The following FSIP2 variants were observed in gnomAD, a reference collection of about 807,000 sequenced individuals.
The protein encoded by FSIP2 is fibrous sheath interacting protein 2, also known as fibrous sheath-interacting protein 2.
Under a neutral mutation model 510.5 loss-of-function variants are expected in FSIP2, and 367 were observed. The ratio of observed to expected loss-of-function variants is 0.72; its 90% CI spans 0.66 to 0.78. The LOEUF is 0.78. Ranked by LOEUF, FSIP2 falls within the 30% of genes least tolerant of loss-of-function variation. The pLI, the probability that FSIP2 is intolerant of heterozygous loss-of-function variation, is 0.00. For synonymous variants in FSIP2, 2,601 were observed against 2,732.2 expected (o/e 0.95, Z 1.50); for missense variants, 7,594 against 7,901.7 (o/e 0.96, Z 1.48).
At chr2:185,776,245 A>G (rs971537394) in intron 13 of FSIP2, among the ~76,000 whole-genome samples, 2 of 152,112 alleles carry the variant, frequency 1.3e-5, no homozygotes, top group African/African-American at 4.8e-5. Context: ...ACTCCAGCCC[A>G]GGTGACAAAG....
At position 185,809,141 on chromosome 2, in the gene FSIP2, CA is replaced by C; in HGVS notation, c.19827+12del. 6.5e-7 allele frequency: 1 copy of C among 1,532,652 alleles called. No individual in the cohort carries two copies. The highest frequency in any genetic ancestry group is 2.3e-5 in the East Asian group (1 of 43,862). The allele number at this position is 1,532,652 out of a possible 1,614,324, so 94.9% of individuals were successfully genotyped here. On this transcript the variant is annotated intron_variant, in intron 17 of 22. Coordinates refer to ENST00000424728, the MANE Select transcript of FSIP2 (RefSeq NM_173651.4). Reference sequence around the variant, plus strand: ...GATGTAAAACCCCTAGAGGTAAGTGCAAAAGCAATGGCATGAAAATGAGTGA... The same window carrying C: ...GATGTAAAACCCCTAGAGGTAAGTGCAAAGCAATGGCATGAAAATGAGTGA...
At position 185,790,466 on chromosome 2, in the gene FSIP2, C is replaced by G; in HGVS notation, c.3330C>G (p.Val1110=). 6.5e-7 allele frequency: 1 copy of G among 1,533,966 alleles called. No homozygotes were observed. ...TAGAAAAGGCTTCAGAAAACATAGT[C>G]ACAAGTATTTTAAAGGAAATGCTCA... The part of the protein sequence containing the change: ...HQIEKASENI[V]TSILKEMLKD... Residue 1110 remains valine (V), a synonymous_variant, in exon 16 of 23, where the codon GTC becomes GTG. Transcript: ENST00000424728.
intron 19 of FSIP2, among the ~76,000 whole-genome samples, chr2:185,819,951 CA>C (rs1438915003): frequency 6.6e-6 from 1 of 151,858 alleles, no homozygotes; most frequent in African/African-American, 2.4e-5. Flanking sequence ...TAAATACTAA[CA>C]GATTGAAGAG....
intron 13 of FSIP2, among the ~76,000 whole-genome samples, chr2:185,775,516 C>A (rs913516320): frequency 1.3e-5 from 2 of 151,836 alleles, no homozygotes; most frequent in South Asian, 4.2e-4. Context: ...AATTTTCTCC[C>A]ATTTTGTAGG....
Position 185,804,386 on chromosome 2 carries a change from C to T in FSIP2, c.15080C>T (p.Ser5027Leu), listed in dbSNP as rs1296782078. The T allele has an allele frequency of 6.6e-7, 1 of 1,504,012 alleles. No individual in the cohort carries two copies. Among genetic ancestry groups the T allele is most frequent in the Non-Finnish European group, 8.8e-7 (1 of 1,131,550 alleles). The allele number at this position is 1,504,012 out of a possible 1,614,324, so 93.2% of individuals were successfully genotyped here. Reference sequence around the variant, plus strand: ...GAAATGGTTCAAAAAATAGTCAACTCAGTATATGGAAAAGTATTAGATCAA... The same window carrying T: ...GAAATGGTTCAAAAAATAGTCAACTTAGTATATGGAAAAGTATTAGATCAA... ...YKEMVQKIVN[S>L]VYGKVLDQYK... The change falls in exon 17 of 23, where the codon TCA becomes TTA. Residue 5027 changes from serine to leucine, a missense_variant. Transcript: ENST00000424728.
rs1368084388 is a variant in FSIP2 at position 185,790,803 on chromosome 2, T to C, written c.3667T>C (p.Trp1223Arg). The C allele has an allele frequency of 6.5e-7, 1 of 1,532,786 alleles. No homozygotes were observed. The highest frequency in any genetic ancestry group is 2.4e-5 in the East Asian group (1 of 40,822). 94.9% of individuals were successfully genotyped at this position (1,532,786 alleles called of 1,614,324 possible). A position where few individuals can be genotyped will look rare whatever the true frequency, so the allele number is the denominator to read the frequency against. Residue 1223 changes from tryptophan to arginine, a missense_variant, in exon 16 of 23, where the codon TGG becomes CGG. Physicochemically the swap from Trp to Arg is moderately radical, Grantham distance 101 (BLOSUM62 -3). Coordinates refer to ENST00000424728, the MANE Select transcript of FSIP2 (RefSeq NM_173651.4). ...ACCAAATAAATACCCATTAAAAACA[T>C]GGTTTGACAGTGAAAAGAAAATGAA... The part of the protein sequence containing the change: ...EAPNKYPLKT[W>R]FDSEKKMKYL...
In FSIP2 at chr2:185,794,868, C is replaced by T. The variant is rs1320284100; in HGVS notation, c.7732C>T (p.Leu2578=). 4.6e-6 allele frequency: 7 copies of T among 1,532,568 alleles called. No homozygotes were observed. The African/African-American group carries it at 6.9e-5, about 15-fold the overall frequency. 94.9% of individuals were successfully genotyped at this position (1,532,568 alleles called of 1,614,324 possible). A position where few individuals can be genotyped will look rare whatever the true frequency, so the allele number is the denominator to read the frequency against. The change falls in exon 16 of 23, where the codon CTA becomes TTA. Residue 2578 remains leucine, a synonymous_variant. Transcript: ENST00000424728. ...VEISDHNDSL[L]MKPLRFRETK... is the part of the protein sequence containing the mutation. Reference sequence around the variant, plus strand: ...AATATCTGACCACAATGATTCCTTACTAATGAAACCATTAAGGTTTAGAGA... The same window carrying T: ...AATATCTGACCACAATGATTCCTTATTAATGAAACCATTAAGGTTTAGAGA...
Position 185,802,466 on chromosome 2 carries a change from T to A in FSIP2, c.13160T>A (p.Leu4387Gln). The A allele has an allele frequency of 6.5e-7, 1 of 1,533,940 alleles. No homozygotes were observed. Among genetic ancestry groups the A allele is most frequent in the Non-Finnish European group, 8.7e-7 (1 of 1,145,458 alleles). Residue 4387 changes from leucine (L) to glutamine (Q), a missense_variant, in exon 17 of 23, where the codon CTA becomes CAA. By Grantham distance (113) the Leu-to-Gln change is moderately radical. Transcript: ENST00000424728. ...AGAAATGCTTTAAAGCAGCATGGGC[T>A]AGACCTTGCTGTTGATAAAGAGTCT... Reference protein sequence around the residue: ...VYRNALKQHGLDLAVDKESED... With the variant: ...VYRNALKQHGQDLAVDKESED...
Position 185,794,490 on chromosome 2 carries a change from A to C in FSIP2, c.7354A>C (p.Asn2452His). ...ATTTACAAAGTATCCATTAGAGCAAAACCAAATGATATTGGAAAACAAAAG... is the reference window on the plus strand; with the variant it reads ...ATTTACAAAGTATCCATTAGAGCAACACCAAATGATATTGGAAAACAAAAG... ...SLFTKYPLEQ[N>H]QMILENKRQI... Residue 2452 changes from asparagine (N) to histidine (H), a missense_variant, in exon 16 of 23, where the codon AAC (asparagine) becomes CAC (histidine). Asn to His is a moderately conservative substitution (Grantham distance 68). Transcript: ENST00000424728. The C allele has an allele frequency of 6.6e-7, 1 of 1,522,198 alleles. No homozygotes were observed. The highest frequency in any genetic ancestry group is 1.2e-5 in the South Asian group (1 of 80,924). 94.3% of individuals were successfully genotyped at this position (1,522,198 alleles called of 1,614,324 possible).
chr2:185,825,197 A>G (rs1346050760), intron 20 of FSIP2, among the ~76,000 whole-genome samples: 1 of 151,878 alleles, frequency 6.6e-6, no homozygotes, highest in Admixed American at 6.6e-5. Context: ...ATAAAATAGC[A>G]TTAAGTATGC....
intron 13 of FSIP2, among the ~76,000 whole-genome samples, chr2:185,770,883 A>G (rs1027123354): frequency 6.6e-6 from 1 of 152,210 alleles, no homozygotes; most frequent in African/African-American, 2.4e-5. Flanking sequence ...CCAAGATACT[A>G]TGGTGGTACA....
In FSIP2 at chr2:185,807,114, G is replaced by A. The variant is rs747423000; in HGVS notation, c.17808G>A (p.Lys5936=). Residue 5936 remains lysine (K), a synonymous_variant, in exon 17 of 23, where the codon AAG becomes AAA. Transcript: ENST00000424728. ...NDYGSQDSIW[K]NINSNGENLA... ...ATGGATCTCAAGACTCTATTTGGAA[G>A]AATATAAACAGTAATGGAGAAAATT... 77 of 1,598,908 alleles carry A rather than the reference G, an allele frequency of 4.8e-5. No homozygotes were observed. The highest frequency in any genetic ancestry group is 1.8e-4 in the Admixed American group (10 of 56,788).
chr2:185,771,378 A>T (rs931245347), intron 13 of FSIP2, among the ~76,000 whole-genome samples: 3 of 152,038 alleles, frequency 2.0e-5, no homozygotes, highest in Non-Finnish European at 4.4e-5. Context: ...TCTCATACAT[A>T]CTCTGAAATC....
Position 185,805,831 on chromosome 2 carries a change from G to C in FSIP2, c.16525G>C (p.Gly5509Arg), listed in dbSNP as rs781094454. The C allele has an allele frequency of 6.2e-7, 1 of 1,607,644 alleles. No individual in the cohort carries two copies. The highest frequency in any genetic ancestry group is 8.5e-7 in the Non-Finnish European group (1 of 1,177,578). The change falls in exon 17 of 23, where the codon GGG becomes CGG. Residue 5509 changes from glycine to arginine, a missense_variant. Physicochemically the swap from Gly to Arg is moderately radical, Grantham distance 125 (BLOSUM62 -2). Coordinates refer to ENST00000424728, the MANE Select transcript of FSIP2 (RefSeq NM_173651.4). ...AAGCGGCATGATTAACCTAACATCA[G>C]GGTTGGCTACAGGTGTGACAAATAA... The part of the protein sequence containing the change: ...MKSGMINLTS[G>R]LATGVTNKKE...
Position 185,796,764 on chromosome 2 carries a change from G to A in FSIP2, c.9628G>A (p.Val3210Ile), listed in dbSNP as rs993398265. 2.0e-6 allele frequency: 3 copies of A among 1,534,944 alleles called. No homozygotes were observed. In the African/African-American group the frequency reaches 4.1e-5, roughly 21 times the overall value. ...YRVSSDLPTS[V>I]RSSVEDTVKN... ...GGTTTCATCAGATTTACCCACCTCT[G>A]TCAGATCCTCTGTAGAAGACACAGT... Residue 3210 changes from valine to isoleucine, a missense_variant, in exon 16 of 23, where the codon GTC (valine) becomes ATC (isoleucine). Transcript: ENST00000424728.
At chr2:185,799,122 T>G (rs1324884567) in intron 16 of FSIP2, among the ~76,000 whole-genome samples, 1 of 151,834 alleles carries the variant, frequency 6.6e-6, no homozygotes, top group Non-Finnish European at 1.5e-5. Flanking sequence ...ATAGAGTTCT[T>G]CACCTGGCTG....
At chr2:185,832,154 G>C (rs1694120023) in intron 22 of FSIP2, among the ~76,000 whole-genome samples, 1 of 151,840 alleles carries the variant, frequency 6.6e-6, no homozygotes, top group Non-Finnish European at 1.5e-5. Context: ...AAAAAAGTGA[G>C]AATCATTAAA....
chr2:185,764,825 G>A (rs1262596108), intron 13 of FSIP2: 1 of 310,934 alleles, frequency 3.2e-6, no homozygotes, highest in Non-Finnish European at 5.8e-6. Context: ...CCTATCTAGG[G>A]TCATCATAGA....
At chr2:185,768,565 G>A (rs1414536155) in intron 13 of FSIP2, among the ~76,000 whole-genome samples, 1 of 151,970 alleles carries the variant, frequency 6.6e-6, no homozygotes, top group Non-Finnish European at 1.5e-5. Context: ...TTGGCATATA[G>A]TTATTTTCCA....
Sources: allele counts gnomAD v4.1 joint callset (sites outside exome capture counted in the v4.1 genomes callset), GRCh38; gene constraint gnomAD v4.1.1; transcripts MANE v1.5; gene names NCBI Gene and HGNC (gene_info 2026-07-23, HGNC 2026-07-21).